Variants in CSTPP1 observed in about 807,000 individuals in gnomAD.
CSTPP1 encodes centriolar satellite-associated tubulin polyglutamylase complex regulator 1.
At chr11:47,123,029 GC>G in the CSTPP1 span, 1 of 152,024 alleles carries the variant, frequency 6.6e-6, no homozygotes, top group South Asian at 2.1e-4. Context: ...TTATTTTAAA[GC>G]AAACATGGAA....
the CSTPP1 span, among the ~76,000 whole-genome samples, chr11:46,982,203 C>A: frequency 6.6e-6 from 1 of 151,712 alleles, no homozygotes; most frequent in Non-Finnish European, 1.5e-5. Context: ...TCTCAAGAGG[C>A]CTCATAGACC....
chr11:47,055,512 A>G, the CSTPP1 span, among the ~76,000 whole-genome samples: 1 of 152,096 alleles, frequency 6.6e-6, no homozygotes, highest in Non-Finnish European at 1.5e-5. Flanking sequence ...TACTAAATAT[A>G]TAGCTATTAA....
the CSTPP1 span, among the ~76,000 whole-genome samples, chr11:46,998,525 T>C: frequency 1.3e-5 from 2 of 152,202 alleles, no homozygotes; most frequent in Non-Finnish European, 2.9e-5. Context: ...TAAATTATTC[T>C]AAGAAGTGAA....
At chr11:47,110,910 GAC>G in the CSTPP1 span, among the ~76,000 whole-genome samples, 1 of 68,808 alleles carries the variant, frequency 1.5e-5, no homozygotes, top group South Asian at 4.6e-4. Flanking sequence ...TTTTTTTTGA[GAC>G]AGAGTCTAGC....
chr11:47,147,281 G>A, the CSTPP1 span, among the ~76,000 whole-genome samples: 2 of 152,124 alleles, frequency 1.3e-5, no homozygotes, highest in Non-Finnish European at 2.9e-5. Context: ...AGAGCAATGA[G>A]AGCAAAAAGC....
chr11:47,088,049 A>T, the CSTPP1 span, among the ~76,000 whole-genome samples: 7 of 152,230 alleles, frequency 4.6e-5, no homozygotes, highest in Non-Finnish European at 8.8e-5. Flanking sequence ...TTAGAAGAAG[A>T]GAGCAAGCAG....
the CSTPP1 span, among the ~76,000 whole-genome samples, chr11:46,950,465 G>A: frequency 6.6e-6 from 1 of 151,996 alleles, no homozygotes; most frequent in South Asian, 2.1e-4. Flanking sequence ...GAGCCACCGC[G>A]CCCGGCCTAA....
the CSTPP1 span, among the ~76,000 whole-genome samples, chr11:47,109,689 G>A: frequency 6.6e-6 from 1 of 152,124 alleles, no homozygotes; most frequent in African/African-American, 2.4e-5. Context: ...TAGTGAAATG[G>A]GGCAGCCTGG....
At chr11:47,056,843 C>T in the CSTPP1 span, among the ~76,000 whole-genome samples, 562 of 152,224 alleles carry the variant, frequency 3.7e-3, 1 homozygote, top group African/African-American at 0.013. Context: ...AGGTACCTAC[C>T]TACTCAGTGG....
chr11:47,033,646 T>TGG, the CSTPP1 span, among the ~76,000 whole-genome samples: 1 of 152,200 alleles, frequency 6.6e-6, no homozygotes. Context: ...GCACAACATC[T>TGG]GGATGCAGTT....
At chr11:47,109,989 A>G in the CSTPP1 span, among the ~76,000 whole-genome samples, 1 of 152,064 alleles carries the variant, frequency 6.6e-6, no homozygotes, top group Admixed American at 6.6e-5. Context: ...TGGCTGGCTG[A>G]TTCTCATCTG....
the CSTPP1 span, among the ~76,000 whole-genome samples, chr11:47,053,653 A>T: frequency 1.3e-5 from 2 of 151,810 alleles, no homozygotes; most frequent in African/African-American, 4.8e-5. Context: ...AAAAGAAAAG[A>T]AATTGGGGCT....
At chr11:47,058,577 C>T in the CSTPP1 span, among the ~76,000 whole-genome samples, 34 of 152,180 alleles carry the variant, frequency 2.2e-4, no homozygotes, top group African/African-American at 7.0e-4. Context: ...AATTTCTAGA[C>T]ATGAAAAATA....
the CSTPP1 span, among the ~76,000 whole-genome samples, chr11:47,051,684 CT>C: frequency 6.7e-6 from 1 of 148,836 alleles, no homozygotes; most frequent in Non-Finnish European, 1.5e-5. Context: ...GAAATAATAT[CT>C]TTTTTCTTTT....
At chr11:46,960,635 G>T in the CSTPP1 span, among the ~76,000 whole-genome samples, 1 of 152,182 alleles carries the variant, frequency 6.6e-6, no homozygotes, top group Admixed American at 6.5e-5. Context: ...TAAATGACCT[G>T]AGGTCAGGAG....
chr11:47,052,599 TTC>T, the CSTPP1 span: 14 of 1,521,300 alleles, frequency 9.2e-6, no homozygotes, highest in Admixed American at 2.0e-5. Context: ...CTCTCTTTCT[TTC>T]TCTCTCTCTT....
At chr11:47,013,354 G>A in the CSTPP1 span, among the ~76,000 whole-genome samples, 1 of 151,862 alleles carries the variant, frequency 6.6e-6, no homozygotes, top group Non-Finnish European at 1.5e-5. Context: ...CATCACCTAG[G>A]TATTAAGCCC....
the CSTPP1 span, among the ~76,000 whole-genome samples, chr11:47,120,534 A>C: frequency 1.3e-5 from 2 of 152,334 alleles, no homozygotes; most frequent in Middle Eastern, 3.4e-3. The surrounding 1 kb of genome is among the most constrained non-coding windows in gnomAD (Gnocchi z 4.2). Flanking sequence ...GGGTGGACTA[A>C]CTTCCAATGC....
chr11:47,045,617 A>C, the CSTPP1 span, among the ~76,000 whole-genome samples: 1 of 152,182 alleles, frequency 6.6e-6, no homozygotes, highest in Non-Finnish European at 1.5e-5. Context: ...ATAAGTGATT[A>C]TGGATCTTAT....
Sources: allele counts gnomAD v4.1 joint callset (sites outside exome capture counted in the v4.1 genomes callset), GRCh38; gene constraint gnomAD v4.1.1; non-coding constraint Gnocchi (gnomAD v3.1); transcripts MANE v1.5; gene names NCBI Gene and HGNC (gene_info 2026-07-23, HGNC 2026-07-21).